AGAP1: variants seen among roughly 807,000 people sequenced by gnomAD.
AGAP1 encodes arf-GAP with GTPase, ANK repeat and PH domain-containing protein 1.
AGAP1 carries 29 observed loss-of-function variants against 105.3 expected under a neutral mutation model. The observed-to-expected ratio is 0.28, with a 90% CI of 0.21 to 0.38. AGAP1 has a LOEUF of 0.38. AGAP1 is among the 10% of genes least tolerant of loss of function. AGAP1 has a pLI of 1.00. For synonymous variants in AGAP1, 509 were observed against 485.9 expected, an observed-to-expected ratio of 1.05 and a Z score of -0.63; for missense variants, 998 against 1,165.1, an observed-to-expected ratio of 0.86 and a Z score of 2.09.
chr2:235,638,771 C>T (rs1396488409), intron 1 of AGAP1, among the ~76,000 whole-genome samples: 3 of 152,224 alleles, frequency 2.0e-5, no homozygotes, highest in Admixed American at 2.0e-4. Flanking sequence ...GAGGAGGGAG[C>T]AGCCAGGAAG....
At chr2:235,686,556 T>TATACACACACACACACAC (rs550721460) in intron 1 of AGAP1, among the ~76,000 whole-genome samples, 2 of 101,826 alleles carry the variant, frequency 2.0e-5, no homozygotes, top group African/African-American at 8.2e-5. Flanking sequence ...GATATATATA[T>TATACACACACACACACAC]ACACACACAC....
At chr2:235,670,275 CCGCGCGCTCCCCGGA>C (rs1948315330) in intron 1 of AGAP1, 3 of 447,082 alleles carry the variant, frequency 6.7e-6, no homozygotes, top group South Asian at 9.0e-5. Flanking sequence ...CGGCCCCGGC[CCGCGCGCTCCCCGGA>C]CGCGCCCGGG....
rs1201645653 is a variant in AGAP1, at chr2:235,875,849, A to G, written c.1051-7496A>G. On this transcript the variant is annotated intron_variant, in intron 9 of 17. Transcript: ENST00000304032. The surrounding 1 kb of genome is among the most constrained non-coding windows in gnomAD (Gnocchi z 4.0). ...TTCCAAAATACATTATAATTGCACT[A>G]GGGACTTCTAAATTTTTATTCAATG... Among the ~76,000 whole-genome samples the G allele has an allele frequency of 6.6e-6, 1 of 152,214 alleles. No homozygotes were observed. Among genetic ancestry groups the G allele is most frequent in the Non-Finnish European group, 1.5e-5 (1 of 68,026 alleles).
chr2:235,571,115 A>C (rs372047012), intron 1 of AGAP1, among the ~76,000 whole-genome samples: 23 of 152,118 alleles, frequency 1.5e-4, no homozygotes, highest in African/African-American at 5.6e-4. Flanking sequence ...ACACTTGTAA[A>C]CAACCAAATC....
chr2:235,680,519 A>C (rs1949008310), intron 1 of AGAP1, among the ~76,000 whole-genome samples: 1 of 151,322 alleles, frequency 6.6e-6, no homozygotes, highest in Non-Finnish European at 1.5e-5. Context: ...GGGCCTGGGG[A>C]AGGGGTCCCA....
chr2:235,612,394 A>G lies in AGAP1; in HGVS notation c.164-96785A>G, dbSNP rs1946157394. Among the ~76,000 whole-genome samples the G allele has an allele frequency of 6.6e-6, 1 of 152,162 alleles. No homozygotes were observed. Among genetic ancestry groups the G allele is most frequent in the African/African-American group, 2.4e-5 (1 of 41,428 alleles). ...TAATCAGAGGGCAAGGACAGCAGTAAATAATTTATGTCAGCTGGAGCCCTT... is the reference window on the plus strand; with the variant it reads ...TAATCAGAGGGCAAGGACAGCAGTAGATAATTTATGTCAGCTGGAGCCCTT... On this transcript the variant is annotated intron_variant, in intron 1 of 17. Coordinates refer to ENST00000304032, the MANE Select transcript of AGAP1 (RefSeq NM_001037131.3). This position sits in a 1 kb window ranked among gnomAD's most constrained non-coding sequence, Gnocchi z 4.3.
intron 6 of AGAP1, among the ~76,000 whole-genome samples, chr2:235,768,496 A>T (rs1246273828): frequency 6.6e-6 from 1 of 152,248 alleles, no homozygotes; most frequent in Non-Finnish European, 1.5e-5. Flanking sequence ...TGGGTATTTC[A>T]TCAGAGCGGA....
At chr2:235,778,709 A>T (rs140835495) in intron 6 of AGAP1, among the ~76,000 whole-genome samples, 78 of 152,356 alleles carry the variant, frequency 5.1e-4, no homozygotes, top group Admixed American at 2.5e-3. Context: ...TGCTTGGAGC[A>T]GGGCCCCACA....
At position 235,799,398 on chromosome 2, in the gene AGAP1, A is replaced by G. The variant is rs535948190; in HGVS notation, c.833A>G (p.Tyr278Cys). ...AATGGAGGTGGGAGTTTAAGCGACTATTCCTCCTCCGTTCCATCGACTCCC... is the reference window on the plus strand; with the variant it reads ...AATGGAGGTGGGAGTTTAAGCGACTGTTCCTCCTCCGTTCCATCGACTCCC... Reference protein sequence around the residue: ...TSNGGGSLSDYSSSVPSTPST... With the variant: ...TSNGGGSLSDCSSSVPSTPST... Residue 278 changes from tyrosine to cysteine, a missense_variant, in exon 8 of 18, where the codon TAT becomes TGT. By Grantham distance (194) the Tyr-to-Cys change is radical (BLOSUM62 -2). Transcript: ENST00000304032. This position sits in a 1 kb window ranked among gnomAD's most constrained non-coding sequence, Gnocchi z 5.0. 13 of 1,614,088 alleles carry G rather than the reference A, an allele frequency of 8.1e-6. No homozygotes were observed. The highest frequency in any genetic ancestry group is 5.5e-5 in the South Asian group (5 of 91,060).
In AGAP1 at chr2:236,099,074, A is replaced by G. The variant is rs566956917; in HGVS notation, c.2115-21118A>G. Among the ~76,000 whole-genome samples the G allele has an allele frequency of 3.9e-5, 6 of 152,182 alleles. No individual in the cohort carries two copies. In the East Asian group the frequency reaches 1.2e-3, roughly 30 times the overall value. On this transcript the variant is annotated intron_variant, in intron 16 of 17. Coordinates refer to ENST00000304032, the MANE Select transcript of AGAP1 (RefSeq NM_001037131.3). Reference sequence around the variant, plus strand: ...GAGCCAGCAGGTAGGCTGCTGGGCAAGGACTTCACTGCAAGGAGGGACAGG... The same window carrying G: ...GAGCCAGCAGGTAGGCTGCTGGGCAGGGACTTCACTGCAAGGAGGGACAGG...
rs1292863261 is a variant in AGAP1 at position 235,555,785 on chromosome 2, C to G, written c.163+60936C>G. Among the ~76,000 whole-genome samples, 1 of 152,162 alleles carries G rather than the reference C, an allele frequency of 6.6e-6. No individual in the cohort carries two copies. Among genetic ancestry groups the G allele is most frequent in the East Asian group, 1.9e-4 (1 of 5,200 alleles). ...GGAGAGGAGACTTTGGGGGTCATCA[C>G]TCATTTCTGAGTTACAGAAGTTAAA... is the stretch of plus-strand genomic sequence containing the variant. On this transcript the variant is annotated intron_variant, in intron 1 of 17. Coordinates refer to ENST00000304032, the MANE Select transcript of AGAP1 (RefSeq NM_001037131.3). This position sits in a 1 kb window ranked among gnomAD's most constrained non-coding sequence, Gnocchi z 5.1.
intron 1 of AGAP1, among the ~76,000 whole-genome samples, chr2:235,558,547 A>C (rs977392616): frequency 6.6e-6 from 1 of 151,794 alleles, no homozygotes; most frequent in African/African-American, 2.4e-5. Flanking sequence ...TAACCCCGCT[A>C]CCCTCCAGTC....
At chr2:235,561,939 A>T (rs1944166882) in intron 1 of AGAP1, among the ~76,000 whole-genome samples, 1 of 152,194 alleles carries the variant, frequency 6.6e-6, no homozygotes, top group Admixed American at 6.5e-5. Flanking sequence ...ACTTAGATTT[A>T]TGGCTTTTCC....
rs1177182364 is a variant in AGAP1, at chr2:235,919,199, G to A, written c.1324+10293G>A. On this transcript the variant is annotated intron_variant, in intron 11 of 17. Coordinates refer to ENST00000304032, the MANE Select transcript of AGAP1 (RefSeq NM_001037131.3). The surrounding 1 kb of genome is among the most constrained non-coding windows in gnomAD (Gnocchi z 4.1). ...AGGGAGCCAGCTGCCAGCCCCGGGGGCCAGTGAGAACCGAGGCCTTGGGAA... is the reference window on the plus strand; with the variant it reads ...AGGGAGCCAGCTGCCAGCCCCGGGGACCAGTGAGAACCGAGGCCTTGGGAA... Among the ~76,000 whole-genome samples the A allele has an allele frequency of 6.6e-6, 1 of 152,148 alleles. No homozygotes were observed. The highest frequency in any genetic ancestry group is 1.5e-5 in the Non-Finnish European group (1 of 68,028).
At chr2:235,942,365 A>G (rs2053300140) in intron 12 of AGAP1, among the ~76,000 whole-genome samples, 1 of 152,126 alleles carries the variant, frequency 6.6e-6, no homozygotes, top group African/African-American at 2.4e-5. Flanking sequence ...ATGGGCCTCA[A>G]GGCAACAATG....
At chr2:235,558,059 G>A (rs1944027185) in intron 1 of AGAP1, among the ~76,000 whole-genome samples, 1 of 152,188 alleles carries the variant, frequency 6.6e-6, no homozygotes, top group African/African-American at 2.4e-5. Flanking sequence ...AGAGTACCAG[G>A]CACGGGCTGT....
At chr2:235,748,999 A>G (rs1419626576) in intron 5 of AGAP1, among the ~76,000 whole-genome samples, 1 of 152,214 alleles carries the variant, frequency 6.6e-6, no homozygotes, top group Non-Finnish European at 1.5e-5. Context: ...ACTTGAGGCC[A>G]GGAGTTGAGA....
intron 1 of AGAP1, among the ~76,000 whole-genome samples, chr2:235,686,524 G>A (rs1245646494): frequency 2.8e-5 from 4 of 142,314 alleles, no homozygotes; most frequent in Admixed American, 7.2e-5. Flanking sequence ...TTTGACGTCC[G>A]AATTCTGGTT....
chr2:235,979,043 C>T lies in AGAP1; in HGVS notation c.1645+10420C>T, dbSNP rs2054978031. ...GACTTACGGACATTTAATTCAGATG[C>T]AGTGAACCCAGTTTTTCTGTTCATT... On this transcript the variant is annotated intron_variant, in intron 13 of 17. Transcript: ENST00000304032. The surrounding 1 kb of genome is among the most constrained non-coding windows in gnomAD (Gnocchi z 4.5). Among the ~76,000 whole-genome samples, 1 of 151,922 alleles carries T rather than the reference C, an allele frequency of 6.6e-6. No homozygotes were observed. The highest frequency in any genetic ancestry group is 2.4e-5 in the African/African-American group (1 of 41,254).
Sources: gnomAD v4.1 joint callset for allele counts (sites outside exome capture counted in the v4.1 genomes callset) on GRCh38, gnomAD v4.1.1 for gene constraint, Gnocchi (gnomAD v3.1) non-coding constraint, MANE v1.5 for transcripts, NCBI Gene and HGNC (gene_info 2026-07-23, HGNC 2026-07-21) for gene names.